Variants in GPM6B observed in about 807,000 individuals in gnomAD.
The protein encoded by GPM6B is neuronal membrane glycoprotein M6-b.
GPM6B carries 4 observed loss-of-function variants against 27.2 expected under a neutral mutation model. The ratio of observed to expected loss-of-function variants is 0.15; its 90% CI spans 0.07 to 0.34. GPM6B has a LOEUF of 0.34. Among genes scored for constraint, GPM6B ranks in the 10% least tolerant of loss-of-function variants. The probability of loss-of-function intolerance (pLI) is 1.00; values close to 1 mark genes in which losing one functional copy is unlikely to be tolerated. For missense variants in GPM6B, 183 were observed against 261.9 expected (o/e 0.70, Z 2.08); for synonymous variants, 124 against 103.1 (o/e 1.20, Z -1.23).
At chrX:13,888,644 T>G (rs1044260843) in intron 1 of GPM6B, among the ~76,000 whole-genome samples, 1 of 112,066 alleles carries the variant, frequency 8.9e-6, no homozygotes, top group African/African-American at 3.2e-5. Context: ...ATTTGGTTCC[T>G]GCAGTCCCTC....
At chrX:13,821,248 A>G (rs1233809919), upstream of GPM6B, among the ~76,000 whole-genome samples, 1 of 112,468 alleles carries the variant, frequency 8.9e-6, no homozygotes, top group Non-Finnish European at 1.9e-5. Context: ...TCCAGTTGAC[A>G]TGTTAAACTC....
intron 2 of GPM6B, among the ~76,000 whole-genome samples, chrX:13,793,430 C>T (rs767453840): frequency 1.6e-4 from 18 of 110,856 alleles, no homozygotes; most frequent in African/African-American, 5.6e-4. Flanking sequence ...TAGGATCTCC[C>T]GAGGCTGTGT....
intron 1 of GPM6B, among the ~76,000 whole-genome samples, chrX:13,860,563 T>C (rs150120554): frequency 8.0e-4 from 88 of 110,078 alleles, no homozygotes; most frequent in Middle Eastern, 4.7e-3. Context: ...CAGGTAACCA[T>C]TTTTGGCAAC....
At chrX:13,800,651 G>C (rs1279262669) in intron 2 of GPM6B, among the ~76,000 whole-genome samples, 1 of 111,943 alleles carries the variant, frequency 8.9e-6, no homozygotes, top group Non-Finnish European at 1.9e-5. Context: ...TATACAGGTT[G>C]AACATATACA....
intron 1 of GPM6B, among the ~76,000 whole-genome samples, chrX:13,881,285 G>A (rs947772024): frequency 8.9e-6 from 1 of 112,188 alleles, no homozygotes; most frequent in African/African-American, 3.2e-5. Flanking sequence ...CAAGGTGGGA[G>A]GACTGCTTTA....
At chrX:13,934,877 C>A (rs1921749324) in intron 1 of GPM6B, among the ~76,000 whole-genome samples, 1 of 111,438 alleles carries the variant, frequency 9.0e-6, no homozygotes, top group Admixed American at 9.5e-5. Context: ...GGCACCAGGG[C>A]CTCTCTGCTT....
chrX:13,855,684 C>T (rs1202936793), intron 1 of GPM6B, among the ~76,000 whole-genome samples: 1 of 111,948 alleles, frequency 8.9e-6, no homozygotes, highest in Non-Finnish European at 1.9e-5. Context: ...ATGAGTTTTA[C>T]ACACACACAT....
chrX:13,910,109 C>T (rs1238352680), intron 1 of GPM6B, among the ~76,000 whole-genome samples: 2 of 112,250 alleles, frequency 1.8e-5, no homozygotes, highest in East Asian at 5.6e-4. Flanking sequence ...AGAAAAGCCA[C>T]CAGCTACCTC....
rs942976436 is a variant in GPM6B, at chrX:13,772,312, A to T, written c.*569T>A. The T allele has an allele frequency of 1.8e-5, 2 of 111,969 alleles. No homozygotes were observed. The highest frequency in any genetic ancestry group is 9.4e-5 in the Admixed American group (1 of 10,587). The allele number at this position is 111,969 out of a possible 1,213,427, so 9.2% of individuals were successfully genotyped here. ...ATATTTCTGATTGGCTCAGGAAATT[A>T]ATGGGTCCTGGACTTGGGAGGGAAA... On this transcript the variant is annotated 3_prime_UTR_variant, in exon 8 of 8. Transcript: ENST00000316715.
At chrX:13,880,263 G>C (rs1032190330) in intron 1 of GPM6B, among the ~76,000 whole-genome samples, 1 of 111,737 alleles carries the variant, frequency 8.9e-6, no homozygotes, top group Non-Finnish European at 1.9e-5. Flanking sequence ...AGAGGAATCA[G>C]CTATGCTCAA....
chrX:13,802,721 T>C lies in GPM6B; in HGVS notation c.181+4929A>G, dbSNP rs148158363. 6.0e-3 allele frequency among the ~76,000 whole-genome samples: 668 copies of C among 112,019 alleles called. 7 individuals are homozygous for C. Among genetic ancestry groups the C allele is most frequent in the African/African-American group, 0.021 (638 of 30,843 alleles). On this transcript the variant is annotated intron_variant, in intron 2 of 7. Coordinates refer to ENST00000316715, the MANE Select transcript of GPM6B (RefSeq NM_001001995.3). ...AGTACTCTAAAAATCTCAGGGACTT[T>C]ACGGCATGAGCCTGAGCTACAACGT...
At chrX:13,830,254 G>A (rs2049422917) in intron 1 of GPM6B, among the ~76,000 whole-genome samples, 1 of 111,975 alleles carries the variant, frequency 8.9e-6, no homozygotes, top group Non-Finnish European at 1.9e-5. Context: ...AAGCACTGGT[G>A]TGAACAGTCC....
rs1422755770 is a variant in GPM6B, at chrX:13,913,091, A to ATG, written c.-198+25235_-198+25236insCA. 1.4e-3 allele frequency among the ~76,000 whole-genome samples: 155 copies of ATG among 112,023 alleles called. 1 individual carries two copies. Among genetic ancestry groups the ATG allele is most frequent in the African/African-American group, 4.6e-3 (142 of 30,890 alleles). On this transcript the variant is annotated intron_variant, in intron 1 of 6. Coordinates refer to the GPM6B transcript ENST00000398361. ...AGAACATAGGAAGATATTAGATATT[A>ATG]CCTTGAATAAACAGTTCAAGACAAT...
At chrX:13,828,524 G>T (rs938775803) in intron 1 of GPM6B, among the ~76,000 whole-genome samples, 34 of 111,711 alleles carry the variant, frequency 3.0e-4, no homozygotes, top group African/African-American at 1.1e-3. Context: ...CCAATTTCAG[G>T]TATCTTGTTA....
chrX:13,854,600 T>G (rs2049758777), intron 1 of GPM6B, among the ~76,000 whole-genome samples: 1 of 112,353 alleles, frequency 8.9e-6, no homozygotes, highest in Non-Finnish European at 1.9e-5. Context: ...TTTAGTGTTC[T>G]ATACCACTCT....
At chrX:13,774,012 T>C in intron 7 of GPM6B, 1 of 663,495 alleles carries the variant, frequency 1.5e-6, no homozygotes, top group Non-Finnish European at 1.8e-6. Flanking sequence ...TCTTCAAATT[T>C]TCATCTGGCT....
chrX:13,868,008 G>A (rs1277043601), intron 1 of GPM6B, among the ~76,000 whole-genome samples: 2 of 112,165 alleles, frequency 1.8e-5, no homozygotes, highest in Non-Finnish European at 3.8e-5. Flanking sequence ...GTTACTGGAA[G>A]GGCCAGTGAG....
At chrX:13,841,524 G>C (rs778940766) in intron 1 of GPM6B, among the ~76,000 whole-genome samples, 1 of 111,984 alleles carries the variant, frequency 8.9e-6, no homozygotes, top group East Asian at 2.8e-4. Context: ...GAGTTAGCTA[G>C]GGTTTCCCCA....
chrX:13,815,857 T>G (rs1206743118), intron 1 of GPM6B, among the ~76,000 whole-genome samples: 2 of 112,249 alleles, frequency 1.8e-5, no homozygotes, highest in South Asian at 7.5e-4. Flanking sequence ...GTCCCCGTAC[T>G]GGCGAATTAC....
Sources: gnomAD v4.1 joint callset for allele counts (sites outside exome capture counted in the v4.1 genomes callset) on GRCh38, gnomAD v4.1.1 for gene constraint, MANE v1.5 for transcripts, NCBI Gene and HGNC (gene_info 2026-07-23, HGNC 2026-07-21) for gene names.